Variants in LINGO2 observed in about 807,000 individuals in gnomAD.
The protein encoded by LINGO2 is leucine rich repeat and Ig domain containing 2, also known as leucine-rich repeat and immunoglobulin-like domain-containing nogo receptor-interacting protein 2.
LINGO2 carries 14 observed loss-of-function variants against 30.6 expected under a neutral mutation model. The observed-to-expected ratio is 0.46, with a 90% confidence interval of 0.30 to 0.72. The LOEUF is 0.72. LINGO2 is among the 30% of genes least tolerant of loss of function. LINGO2 has a pLI of 0.07. For missense variants in LINGO2, 729 were observed against 751.7 expected (o/e 0.97, Z 0.35); for synonymous variants, 317 against 288.5 (o/e 1.10, Z -1.00).
chr9:29,046,377 G>T, the LINGO2 span, among the ~76,000 whole-genome samples: 5 of 152,038 alleles, frequency 3.3e-5, no homozygotes, highest in South Asian at 2.1e-4. Flanking sequence ...AACCAAAACA[G>T]CACAATACTT....
At chr9:29,029,189 T>G in the LINGO2 span, among the ~76,000 whole-genome samples, 1 of 152,130 alleles carries the variant, frequency 6.6e-6, no homozygotes, top group Non-Finnish European at 1.5e-5. Context: ...CTGCTTATAG[T>G]GTGGTGCAGG....
At chr9:28,994,737 T>C in the LINGO2 span, among the ~76,000 whole-genome samples, 2 of 152,274 alleles carry the variant, frequency 1.3e-5, no homozygotes, top group South Asian at 4.1e-4. Context: ...TATCTGATCT[T>C]TGACAAACCT....
the LINGO2 span, among the ~76,000 whole-genome samples, chr9:28,930,394 G>A: frequency 1.3e-5 from 2 of 152,030 alleles, no homozygotes; most frequent in Admixed American, 6.6e-5. The surrounding 1 kb of genome is among the most constrained non-coding windows in gnomAD (Gnocchi z 4.2). Context: ...ATCCCATAGG[G>A]CTCAAAATAT....
intron 5 of LINGO2, among the ~76,000 whole-genome samples, chr9:27,955,481 C>T (rs928836484): frequency 1.3e-5 from 2 of 152,116 alleles, no homozygotes; most frequent in Non-Finnish European, 2.9e-5. Flanking sequence ...CCTCTGTTAC[C>T]GGCTTAAAGT....
the LINGO2 span, among the ~76,000 whole-genome samples, chr9:29,081,333 T>C: frequency 2.0e-5 from 3 of 151,964 alleles, no homozygotes; most frequent in Non-Finnish European, 2.9e-5. Flanking sequence ...ACAAAAACCA[T>C]ATGATTATCT....
intron 2 of LINGO2, among the ~76,000 whole-genome samples, chr9:28,451,511 AC>A (rs755478407): frequency 4.6e-5 from 7 of 151,868 alleles, no homozygotes; most frequent in Non-Finnish European, 8.9e-5. Flanking sequence ...CATCAAATAC[AC>A]AAATTCAGGT....
At chr9:28,638,750 T>G (rs1004636101) in intron 1 of LINGO2, among the ~76,000 whole-genome samples, 2 of 152,146 alleles carry the variant, frequency 1.3e-5, no homozygotes, top group African/African-American at 4.8e-5. Context: ...ATCAATTTTG[T>G]TGCTCTTTTC....
chr9:28,496,604 C>G (rs1482715578), intron 1 of LINGO2, among the ~76,000 whole-genome samples: 3 of 152,114 alleles, frequency 2.0e-5, no homozygotes, highest in South Asian at 2.1e-4. Flanking sequence ...GGTCCTGACT[C>G]TTTATCCAAT....
At chr9:28,006,539 G>A (rs935954993) in intron 5 of LINGO2, among the ~76,000 whole-genome samples, 1 of 152,086 alleles carries the variant, frequency 6.6e-6, no homozygotes. Context: ...CAACTCCAGG[G>A]ACACAGAATT....
chr9:28,698,583 AT>A, the LINGO2 span, among the ~76,000 whole-genome samples: 1 of 152,042 alleles, frequency 6.6e-6, no homozygotes, highest in Non-Finnish European at 1.5e-5. Context: ...AGATAAAATT[AT>A]TGACTAGCTC....
the LINGO2 span, among the ~76,000 whole-genome samples, chr9:29,074,102 A>G: frequency 6.6e-6 from 1 of 152,186 alleles, no homozygotes; most frequent in Non-Finnish European, 1.5e-5. Context: ...TGTTCCAAGA[A>G]AGATAAAGAA....
At chr9:28,796,087 A>G in the LINGO2 span, among the ~76,000 whole-genome samples, 1 of 143,106 alleles carries the variant, frequency 7.0e-6, no homozygotes, top group African/African-American at 2.5e-5. Context: ...TAAATAGTGC[A>G]CAAAAAAAAA....
intron 5 of LINGO2, among the ~76,000 whole-genome samples, chr9:27,983,448 A>T (rs1820977578): frequency 6.6e-6 from 1 of 151,954 alleles, no homozygotes; most frequent in East Asian, 2.0e-4. Context: ...GATACAAGTC[A>T]TCATCCATCC....
the LINGO2 span, among the ~76,000 whole-genome samples, chr9:29,131,502 GA>G: frequency 1.8e-4 from 28 of 151,906 alleles, no homozygotes; most frequent in African/African-American, 6.0e-4. Context: ...TTGGGCCCTT[GA>G]AAAAAATGCC....
chr9:28,158,792 A>G (rs1268419961), intron 4 of LINGO2, among the ~76,000 whole-genome samples: 3 of 152,210 alleles, frequency 2.0e-5, no homozygotes, highest in Non-Finnish European at 4.4e-5. Context: ...ACAGGGGAAG[A>G]ATCTGACTGT....
the LINGO2 span, among the ~76,000 whole-genome samples, chr9:28,856,699 T>G: frequency 6.6e-6 from 1 of 152,024 alleles, no homozygotes; most frequent in Non-Finnish European, 1.5e-5. Context: ...ATAAAAGATT[T>G]TGGTCATTAA....
the LINGO2 span, among the ~76,000 whole-genome samples, chr9:29,191,472 T>A: frequency 1.3e-5 from 2 of 148,728 alleles, no homozygotes; most frequent in African/African-American, 2.5e-5. Context: ...TTTGTTTCTG[T>A]TTTTTTTTGG....
rs190712836 is a variant in LINGO2 at position 28,468,333 on chromosome 9, G to A, written c.-279+7607C>T. Among the ~76,000 whole-genome samples the A allele has an allele frequency of 2.2e-3, 334 of 152,286 alleles. 2 individuals are homozygous for A. The highest frequency in any genetic ancestry group is 3.3e-3 in the Non-Finnish European group (224 of 68,016). ...ATATTTGCAAGGTTATAACCAGTGT[G>A]AGCACTGCCAAGGCACTAGTTTCTC... On this transcript the variant is annotated intron_variant, in intron 2 of 5. Coordinates refer to ENST00000379992, the Ensembl canonical transcript of LINGO2.
intron 2 of LINGO2, among the ~76,000 whole-genome samples, chr9:28,378,967 A>G (rs942833244): frequency 2.0e-5 from 3 of 152,162 alleles, no homozygotes; most frequent in African/African-American, 7.2e-5. Flanking sequence ...ATCACAAAGT[A>G]CTTACAAAAA....
Sources: allele counts gnomAD v4.1 joint callset (sites outside exome capture counted in the v4.1 genomes callset), GRCh38; gene constraint gnomAD v4.1.1; non-coding constraint Gnocchi (gnomAD v3.1); transcripts MANE v1.5; gene names NCBI Gene and HGNC (gene_info 2026-07-23, HGNC 2026-07-21).